PACRGL: variants seen among roughly 807,000 people sequenced by gnomAD.
PACRGL encodes PACRG-like protein.
Under a neutral mutation model 34.5 loss-of-function variants are expected in PACRGL, and 38 were observed. The ratio of observed to expected loss-of-function variants is 1.10; its 90% CI spans 0.85 to 1.44. The LOEUF (loss-of-function observed/expected upper bound fraction) is 1.44, where lower values mean the gene tolerates loss of function less well. Ranked by LOEUF, PACRGL falls within the 40% of genes most tolerant of loss-of-function variation. PACRGL has a pLI of 0.00. For synonymous variants in PACRGL, 128 were observed against 100.1 expected, an observed-to-expected ratio of 1.28 and a Z score of -1.66; for missense variants, 305 against 281.4, an observed-to-expected ratio of 1.08 and a Z score of -0.60.
chr4:20,740,105 C>T (rs1364100315), intron 8 of PACRGL, among the ~76,000 whole-genome samples: 2 of 152,140 alleles, frequency 1.3e-5, no homozygotes, highest in Admixed American at 6.5e-5. Context: ...AAATCTACGT[C>T]TGATTGGTGT....
At chr4:20,762,761 G>A in the PACRGL span, among the ~76,000 whole-genome samples, 3 of 152,254 alleles carry the variant, frequency 2.0e-5, no homozygotes, top group Admixed American at 2.0e-4. Flanking sequence ...TTTGGGATTT[G>A]GAATATTCAC....
At chr4:20,766,645 A>T in the PACRGL span, among the ~76,000 whole-genome samples, 1 of 152,212 alleles carries the variant, frequency 6.6e-6, no homozygotes, top group Non-Finnish European at 1.5e-5. Flanking sequence ...AGGTGAGGGG[A>T]TAGAGATTAA....
chr4:20,758,777 T>C, the PACRGL span: 8 of 1,464,388 alleles, frequency 5.5e-6, no homozygotes, highest in South Asian at 2.3e-5. Flanking sequence ...GCAAGCATAA[T>C]TGTAACTCTG....
rs1473511655 is a variant in PACRGL, at chr4:20,701,541, C to T, written c.-17+754C>T. 8 of 185,672 alleles carry T rather than the reference C, an allele frequency of 4.3e-5. No individual in the cohort carries two copies. In the Admixed American group the frequency reaches 4.4e-4, roughly 10 times the overall value. The allele number at this position is 185,672 out of a possible 1,614,324, so 11.5% of individuals were successfully genotyped here. Reference sequence around the variant, plus strand: ...CAGGTTCGCTTCTCCCCATCACTGCCCCTTTACACCATCCTCTACATGTTA... The same window carrying T: ...CAGGTTCGCTTCTCCCCATCACTGCTCCTTTACACCATCCTCTACATGTTA... On this transcript the variant is annotated intron_variant, in intron 1 of 8. Coordinates refer to ENST00000503585, the MANE Select transcript of PACRGL (RefSeq NM_001258345.3).
At chr4:20,721,204 G>A (rs62410131) in intron 7 of PACRGL, among the ~76,000 whole-genome samples, 9,370 of 152,132 alleles carry the variant, frequency 0.062, 440 homozygotes, top group Middle Eastern at 0.13. Flanking sequence ...CTCTACACTG[G>A]TTATTCTAGT....
chr4:20,713,384 CCT>C, intron 6 of PACRGL, 46 bp from the exon 7 acceptor site: 1 of 1,418,284 alleles, frequency 7.1e-7, no homozygotes, highest in South Asian at 1.2e-5. Context: ...TTCCTTTTCT[CCT>C]CTCTTCCCTG....
chr4:20,767,083 G>T, the PACRGL span: 17 of 152,124 alleles, frequency 1.1e-4, no homozygotes, highest in Non-Finnish European at 1.9e-4. Flanking sequence ...AATAGTTTAG[G>T]ATTTGGTAAG....
intron 7 of PACRGL, among the ~76,000 whole-genome samples, chr4:20,716,988 A>G (rs536503473): frequency 5.7e-4 from 87 of 152,294 alleles, no homozygotes; most frequent in Admixed American, 2.0e-3. Context: ...CATCCTCTCC[A>G]GCACCTGTTG....
chr4:20,744,523 A>G (rs990056069), intron 8 of PACRGL, among the ~76,000 whole-genome samples: 2 of 152,168 alleles, frequency 1.3e-5, no homozygotes, highest in Non-Finnish European at 2.9e-5. Context: ...AAGGACAGAA[A>G]ACCAAACACC....
rs1736248762 is a variant in PACRGL at position 20,709,778 on chromosome 4, A to G, written c.366+5A>G. 1 of 1,569,598 alleles carries G rather than the reference A, an allele frequency of 6.4e-7. No homozygotes were observed. The highest frequency in any genetic ancestry group is 8.8e-7 in the Non-Finnish European group (1 of 1,140,718). ...CTTCTTATTACTTTAGCTGAGGTAA[A>G]TATGCCATCTCTTGAATATTTATCA... On this transcript the variant is annotated splice_donor_5th_base_variant and intron_variant, in intron 5 of 8. Transcript: ENST00000503585.
chr4:20,742,964 A>G (rs550426597), intron 8 of PACRGL, among the ~76,000 whole-genome samples: 8 of 151,944 alleles, frequency 5.3e-5, no homozygotes, highest in East Asian at 3.9e-4. Context: ...CCCATTCACA[A>G]TTGCTTCAAA....
At chr4:20,700,014 A>G (rs1731555147), upstream of PACRGL, among the ~76,000 whole-genome samples, 1 of 152,224 alleles carries the variant, frequency 6.6e-6, no homozygotes, top group Non-Finnish European at 1.5e-5. Context: ...GGAAACTACA[A>G]GAAAATCCCA....
At chr4:20,699,119 G>T (rs146276535), upstream of PACRGL, among the ~76,000 whole-genome samples, 2,178 of 152,288 alleles carry the variant, frequency 0.014, 168 homozygotes, top group Admixed American at 0.12. Flanking sequence ...GCTCTACTGA[G>T]TCTGACACTG....
At chr4:20,755,381 T>C (rs953470054), downstream of PACRGL, among the ~76,000 whole-genome samples, 2 of 152,216 alleles carry the variant, frequency 1.3e-5, 1 homozygote, top group Admixed American at 1.3e-4. Context: ...TGCTGTACAC[T>C]TTTCAAAGAG....
chr4:20,758,302 A>G, the PACRGL span, among the ~76,000 whole-genome samples: 1 of 152,210 alleles, frequency 6.6e-6, no homozygotes, highest in Non-Finnish European at 1.5e-5. Flanking sequence ...ACAGTAAAGA[A>G]TTACTGAAAG....
chr4:20,723,563 AAGTC>A (rs1744363875), intron 7 of PACRGL, among the ~76,000 whole-genome samples: 1 of 152,148 alleles, frequency 6.6e-6, no homozygotes, highest in Admixed American at 6.5e-5. Context: ...TCCTTCCTCA[AAGTC>A]AGTCAAGCAA....
chr4:20,748,601 TA>T lies in PACRGL; in HGVS notation c.*57-3963del, dbSNP rs1390624515. Among the ~76,000 whole-genome samples, 374 of 107,234 alleles carry T rather than the reference TA, an allele frequency of 3.5e-3. 7 individuals carry two copies. In the East Asian group the frequency reaches 0.057, roughly 16 times the overall value. 70.3% of individuals were successfully genotyped at this position (107,234 alleles called of 152,430 possible). ...ATATATATATATATATATATATATA[TA>T]TATTCCATAAGTAAATATAAATGTA... On this transcript the variant is annotated intron_variant, in intron 8 of 8. Transcript: ENST00000507634.
chr4:20,703,374 A>G (rs534730024), intron 1 of PACRGL, among the ~76,000 whole-genome samples: 2 of 152,266 alleles, frequency 1.3e-5, no homozygotes, highest in African/African-American at 4.8e-5. Flanking sequence ...ATAGAAATCA[A>G]TGCCATAGAA....
intron 8 of PACRGL, among the ~76,000 whole-genome samples, chr4:20,747,223 A>G (rs185381815): frequency 1.4e-4 from 22 of 152,330 alleles, no homozygotes; most frequent in Admixed American, 1.4e-3. Context: ...ATAAAATTGG[A>G]TATAATGTGC....
Sources: allele counts gnomAD v4.1 joint callset (sites outside exome capture counted in the v4.1 genomes callset), GRCh38; gene constraint gnomAD v4.1.1; transcripts MANE v1.5; gene names NCBI Gene and HGNC (gene_info 2026-07-23, HGNC 2026-07-21).